Variants in SORBS2 observed in about 807,000 individuals in gnomAD.
SORBS2 encodes the protein sorbin and SH3 domain containing 2.
In SORBS2, 46 loss-of-function variants were observed where a neutral mutation model predicts 97.7. The ratio of observed to expected loss-of-function variants is 0.47; its 90% confidence interval spans 0.37 to 0.60. The LOEUF (loss-of-function observed/expected upper bound fraction) is 0.60, where lower values mean the gene tolerates loss of function less well. SORBS2 is among the 20% of genes least tolerant of loss of function. SORBS2 has a pLI of 0.00. For missense variants in SORBS2, 1,316 were observed against 1,282.3 expected (o/e 1.03, Z -0.40); for synonymous variants, 476 against 473.4 (o/e 1.01, Z -0.07).
chr4:185,659,255 G>C (rs891566771), upstream of SORBS2, among the ~76,000 whole-genome samples: 1 of 152,082 alleles, frequency 6.6e-6, no homozygotes, highest in Non-Finnish European at 1.5e-5. Flanking sequence ...CTGAATAAAC[G>C]AACAGCATCA....
At chr4:185,796,409 C>T (rs1429910714) in intron 1 of SORBS2, among the ~76,000 whole-genome samples, 3 of 152,254 alleles carry the variant, frequency 2.0e-5, no homozygotes, top group Non-Finnish European at 4.4e-5. Context: ...ATACCAATGG[C>T]TCCCAGGGCC....
chr4:185,877,519 A>T (rs2099234268), intron 1 of SORBS2, among the ~76,000 whole-genome samples: 1 of 152,160 alleles, frequency 6.6e-6, no homozygotes, highest in Non-Finnish European at 1.5e-5. Flanking sequence ...AAAATGAAAA[A>T]AGTTGGATAA....
In SORBS2 at chr4:185,684,748, T is replaced by C; in HGVS notation, c.-197-5926A>G. The stretch of plus-strand genomic sequence containing the variant: ...TGCGACATTGTGTGAGTTAGTGATA[T>C]TATACCTGCAGCCAATAGGTTTGGA... On this transcript the variant is annotated intron_variant, in intron 2 of 20. Coordinates refer to the SORBS2 transcript ENST00000284776. The surrounding 1 kb of genome is among the most constrained non-coding windows in gnomAD (Gnocchi z 4.2). The C allele has an allele frequency of 6.5e-7, 1 of 1,544,486 alleles. No individual in the cohort carries two copies. Among genetic ancestry groups the C allele is most frequent in the Non-Finnish European group, 8.8e-7 (1 of 1,140,404 alleles).
chr4:185,920,625 C>T (rs1414698425), intron 1 of SORBS2, among the ~76,000 whole-genome samples: 2 of 152,138 alleles, frequency 1.3e-5, no homozygotes, highest in Non-Finnish European at 2.9e-5. Flanking sequence ...TAATTTAAAT[C>T]TTGCATGTTT....
At chr4:185,912,349 C>G (rs1402443336) in intron 1 of SORBS2, among the ~76,000 whole-genome samples, 1 of 152,020 alleles carries the variant, frequency 6.6e-6, no homozygotes, top group Non-Finnish European at 1.5e-5. Flanking sequence ...CTTTGGAAGG[C>G]CGAGGCGGGT....
At chr4:185,658,221 T>C (rs1345849070), upstream of SORBS2, among the ~76,000 whole-genome samples, 2 of 152,230 alleles carry the variant, frequency 1.3e-5, no homozygotes, top group Non-Finnish European at 1.5e-5. Context: ...CGATTTCCTA[T>C]GTGCATTTTT....
chr4:185,709,020 C>T lies in SORBS2; in HGVS notation c.-197-30198G>A, dbSNP rs2098387145. Among the ~76,000 whole-genome samples, 4 of 152,204 alleles carry T rather than the reference C, an allele frequency of 2.6e-5. No homozygotes were observed. In the South Asian group the frequency reaches 8.3e-4, roughly 31 times the overall value. ...TCTTGTGAACCAGAGAACTCTTCAA[C>T]CTTTTCTCTTTTTTTGAGACGGAGT... On this transcript the variant is annotated intron_variant, in intron 2 of 20. Coordinates refer to the SORBS2 transcript ENST00000284776.
chr4:185,591,670 T>G (rs2095939984), intron 13 of SORBS2, among the ~76,000 whole-genome samples: 1 of 152,174 alleles, frequency 6.6e-6, no homozygotes, highest in South Asian at 2.1e-4. Context: ...ACACGGCATT[T>G]CTCACTTTGG....
At chr4:185,776,881 C>T (rs2099002506) in intron 1 of SORBS2, among the ~76,000 whole-genome samples, 1 of 126,098 alleles carries the variant, frequency 7.9e-6, no homozygotes, top group Admixed American at 9.5e-5. Flanking sequence ...GCCTGGGCAA[C>T]AGAGTGAGAC....
At chr4:185,626,489 T>C (rs1208444667) in intron 6 of SORBS2, among the ~76,000 whole-genome samples, 2 of 152,260 alleles carry the variant, frequency 1.3e-5, no homozygotes, top group South Asian at 2.1e-4. Flanking sequence ...TTGCTAGTTG[T>C]AGAAACATTA....
chr4:185,658,514 CTT>C (rs2097447890), upstream of SORBS2, among the ~76,000 whole-genome samples: 1 of 151,990 alleles, frequency 6.6e-6, no homozygotes, highest in African/African-American at 2.4e-5. Context: ...AAGAATGACA[CTT>C]TGTATATACT....
At chr4:185,939,668 G>A (rs966636215) in intron 1 of SORBS2, among the ~76,000 whole-genome samples, 5 of 152,116 alleles carry the variant, frequency 3.3e-5, no homozygotes, top group Admixed American at 1.3e-4. Context: ...GTGCCACCAC[G>A]CCTGGCTAAT....
chr4:185,951,142 G>A (rs2150027679), intron 1 of SORBS2, among the ~76,000 whole-genome samples: 1 of 152,246 alleles, frequency 6.6e-6, no homozygotes, highest in African/African-American at 2.4e-5. Context: ...GCCTTAACAG[G>A]ATTTAGAATC....
chr4:185,602,007 C>A (rs1019866911), intron 12 of SORBS2, among the ~76,000 whole-genome samples: 19 of 152,188 alleles, frequency 1.2e-4, no homozygotes, highest in African/African-American at 4.6e-4. Context: ...TATAGAGGAG[C>A]TGAGATTTAT....
Position 185,809,053 on chromosome 4 carries a change from A to G in SORBS2, c.-337-33687T>C, listed in dbSNP as rs73873395. Among the ~76,000 whole-genome samples, 297 of 152,280 alleles carry G rather than the reference A, an allele frequency of 2.0e-3. 2 individuals are homozygous for G. Among genetic ancestry groups the G allele is most frequent in the African/African-American group, 6.6e-3 (274 of 41,554 alleles). On this transcript the variant is annotated intron_variant, in intron 1 of 20. Coordinates refer to the SORBS2 transcript ENST00000284776. ...TTGGGATCCTGAAGCCATATTTTCA[A>G]ATCAGAAAAATGAAAGCCTCATTGT...
intron 4 of SORBS2, among the ~76,000 whole-genome samples, chr4:185,633,163 A>G (rs1356633507): frequency 6.6e-6 from 1 of 152,206 alleles, no homozygotes; most frequent in Non-Finnish European, 1.5e-5. Flanking sequence ...TTCTTCATTA[A>G]TGCCAGTTTT....
intron 2 of SORBS2, chr4:185,774,971 A>C (rs999087944): frequency 6.6e-6 from 1 of 151,806 alleles, no homozygotes; most frequent in African/African-American, 2.4e-5. Context: ...AATCAGGCTT[A>C]ATTAGACCTC....
At chr4:185,651,230 C>T (rs181808695) in intron 2 of SORBS2, among the ~76,000 whole-genome samples, 1 of 152,302 alleles carries the variant, frequency 6.6e-6, no homozygotes, top group East Asian at 1.9e-4. Flanking sequence ...CACGAGATAC[C>T]AAGGCTCGCC....
chr4:185,808,148 A>G (rs10003363), intron 1 of SORBS2, among the ~76,000 whole-genome samples: 46,343 of 152,088 alleles, frequency 0.3, 7,759 homozygotes, highest in East Asian at 0.64. Flanking sequence ...TAGCCAAAAT[A>G]AGCTTTAAAG....
Sources: allele counts gnomAD v4.1 joint callset (sites outside exome capture counted in the v4.1 genomes callset), GRCh38; gene constraint gnomAD v4.1.1; non-coding constraint Gnocchi (gnomAD v3.1); transcripts MANE v1.5; gene names NCBI Gene and HGNC (gene_info 2026-07-23, HGNC 2026-07-21).